AP2B1: variants seen among roughly 807,000 people sequenced by gnomAD.
The protein encoded by AP2B1 is adaptor related protein complex 2 subunit beta 1.
A neutral mutation model predicts 102.0 loss-of-function variants in AP2B1; 23 were observed. The ratio of observed to expected loss-of-function variants is 0.23; its 90% CI spans 0.16 to 0.32. The LOEUF is 0.32. Ranked by LOEUF, AP2B1 falls within the 10% of genes least tolerant of loss-of-function variation. AP2B1 has a pLI of 1.00. For missense variants in AP2B1, 541 were observed against 1,157.4 expected, an observed-to-expected ratio of 0.47 and a Z score of 7.73; for synonymous variants, 381 against 421.2, an observed-to-expected ratio of 0.90 and a Z score of 1.17.
intron 12 of AP2B1, among the ~76,000 whole-genome samples, chr17:35,648,173 T>C (rs2074989166): frequency 6.6e-6 from 1 of 152,104 alleles, no homozygotes; most frequent in East Asian, 1.9e-4. Flanking sequence ...ACTTTTGAGG[T>C]AGGTACCAGG....
intron 2 of AP2B1, among the ~76,000 whole-genome samples, chr17:35,595,714 T>C (rs1478975300): frequency 2.0e-5 from 3 of 152,180 alleles, no homozygotes; most frequent in African/African-American, 7.2e-5. Flanking sequence ...TTGCCTCTTT[T>C]AGTACCCCTC....
intron 5 of AP2B1, among the ~76,000 whole-genome samples, chr17:35,610,319 T>C (rs2142425255): frequency 6.6e-6 from 1 of 152,102 alleles, no homozygotes; most frequent in South Asian, 2.1e-4. Context: ...GGCTAATTTT[T>C]GTATTTTTAG....
intron 3 of AP2B1, among the ~76,000 whole-genome samples, chr17:35,599,364 G>A (rs225292): frequency 0.84 from 127,439 of 152,240 alleles, 53,854 homozygotes; most frequent in African/African-American, 0.96. Flanking sequence ...AATTGACAAT[G>A]GATACGTTTC....
intron 12 of AP2B1, among the ~76,000 whole-genome samples, chr17:35,644,447 G>A (rs368233842): frequency 5.9e-5 from 9 of 152,030 alleles, no homozygotes; most frequent in Admixed American, 2.6e-4. Flanking sequence ...GCGTGATCTC[G>A]GCTCACTGCA....
chr17:35,590,238 C>T (rs1287764701), intron 1 of AP2B1, among the ~76,000 whole-genome samples: 1 of 152,086 alleles, frequency 6.6e-6, no homozygotes, highest in Non-Finnish European at 1.5e-5. Flanking sequence ...ATGAAGACGT[C>T]AGTTTTTGCC....
At chr17:35,716,278 G>A (rs1481871676) in intron 20 of AP2B1, among the ~76,000 whole-genome samples, 1 of 152,196 alleles carries the variant, frequency 6.6e-6, no homozygotes, top group Non-Finnish European at 1.5e-5. Flanking sequence ...AAGAAGCAGT[G>A]CTTGTCATCT....
chr17:35,608,061 TC>T (rs1244474511), intron 4 of AP2B1, 80 bp from the exon 5 acceptor site: 1 of 1,529,392 alleles, frequency 6.5e-7, no homozygotes, highest in Non-Finnish European at 8.9e-7. Context: ...ATGAGGTAAT[TC>T]TTTTGCAGCT....
At chr17:35,649,577 A>T (rs1487367034) in intron 12 of AP2B1, among the ~76,000 whole-genome samples, 1 of 152,056 alleles carries the variant, frequency 6.6e-6, no homozygotes, top group Non-Finnish European at 1.5e-5. Context: ...GCCCTAGTTT[A>T]AAAAATTTTT....
At chr17:35,595,212 A>C (rs1040858346) in intron 2 of AP2B1, among the ~76,000 whole-genome samples, 1 of 152,122 alleles carries the variant, frequency 6.6e-6, no homozygotes. Context: ...GCCTGATTTC[A>C]GTTGTCCTGG....
Position 35,631,327 on chromosome 17 carries a change from T to C in AP2B1, c.1155+3601T>C, listed in dbSNP as rs73990221. Among the ~76,000 whole-genome samples the C allele has an allele frequency of 9.9e-3, 1,507 of 152,270 alleles. 25 individuals are homozygous for C. Among genetic ancestry groups the C allele is most frequent in the African/African-American group, 0.034 (1,401 of 41,560 alleles). On this transcript the variant is annotated intron_variant, in intron 9 of 21. Coordinates refer to ENST00000610402, the MANE Select transcript of AP2B1 (RefSeq NM_001030006.2). ...TTCTTAAAGACAAAAAACATATTTT[T>C]CCTATTAGGAAAACCATATTTGTTT...
chr17:35,641,812 G>A, intron 11 of AP2B1, 65 bp from the exon 12 acceptor site: 2 of 1,245,636 alleles, frequency 1.6e-6, no homozygotes, highest in South Asian at 2.8e-5. Context: ...CACCACTTTG[G>A]AGATGATGGC....
chr17:35,682,152 G>C (rs768620363), intron 17 of AP2B1, among the ~76,000 whole-genome samples: 1 of 151,770 alleles, frequency 6.6e-6, no homozygotes, highest in African/African-American at 2.4e-5. Context: ...CTACCTGGGG[G>C]ACTCATGTGC....
chr17:35,587,790 G>C (rs142481707), intron 1 of AP2B1: 3 of 152,392 alleles, frequency 2.0e-5, no homozygotes, highest in Non-Finnish European at 4.4e-5. Context: ...GCTCGGCGTC[G>C]TTCACTGAGA....
chr17:35,645,445 T>C (rs2074902613), intron 12 of AP2B1, among the ~76,000 whole-genome samples: 1 of 152,194 alleles, frequency 6.6e-6, no homozygotes, highest in Non-Finnish European at 1.5e-5. Context: ...ATATTATTAG[T>C]TAGGGGGAAA....
At chr17:35,658,678 G>A (rs2075290783) in intron 14 of AP2B1, among the ~76,000 whole-genome samples, 1 of 152,102 alleles carries the variant, frequency 6.6e-6, no homozygotes, top group East Asian at 1.9e-4. Context: ...GCCCAACAAC[G>A]ATTTATTTAC....
intron 18 of AP2B1, among the ~76,000 whole-genome samples, chr17:35,701,704 ATCC>A (rs2143003189): frequency 6.6e-6 from 1 of 152,232 alleles, no homozygotes; most frequent in Admixed American, 6.5e-5. Context: ...CTGGACCCCT[ATCC>A]TCCTATCCTC....
At chr17:35,602,365 A>C (rs2073517937) in intron 3 of AP2B1, among the ~76,000 whole-genome samples, 1 of 152,246 alleles carries the variant, frequency 6.6e-6, no homozygotes, top group Admixed American at 6.5e-5. Context: ...ATGAAATATG[A>C]GCTGTACTTA....
Position 35,710,093 on chromosome 17 carries a change from T to C in AP2B1, c.2540-141T>C, listed in dbSNP as rs981178658. On this transcript the variant is annotated intron_variant, in intron 19 of 21. Transcript: ENST00000610402. ...CTGAAGTATAGCACTTTTGTAGAGC[T>C]CAGCATTGGCTCCATTCCCAGCCTG... 89 of 694,760 alleles carry C rather than the reference T, an allele frequency of 1.3e-4. 1 individual carries two copies. The East Asian group carries it at 2.3e-3, about 18-fold the overall frequency. 43.0% of individuals were successfully genotyped at this position (694,760 alleles called of 1,614,324 possible).
At chr17:35,629,094 A>G (rs565271996) in intron 9 of AP2B1, among the ~76,000 whole-genome samples, 1 of 152,074 alleles carries the variant, frequency 6.6e-6, no homozygotes, top group South Asian at 2.1e-4. Context: ...GATTACAGGC[A>G]TACGCTACCA....
Sources: allele counts gnomAD v4.1 joint callset (sites outside exome capture counted in the v4.1 genomes callset), GRCh38; gene constraint gnomAD v4.1.1; transcripts MANE v1.5; gene names NCBI Gene and HGNC (gene_info 2026-07-23, HGNC 2026-07-21).